MOGAT2: variants seen among roughly 807,000 people sequenced by gnomAD.
MOGAT2 encodes monoacylglycerol O-acyltransferase 2.
A neutral mutation model predicts 31.5 loss-of-function variants in MOGAT2; 27 were observed. The ratio of observed to expected loss-of-function variants is 0.86; its 90% confidence interval spans 0.63 to 1.18. MOGAT2 has a LOEUF of 1.18. Among genes scored for constraint, MOGAT2 ranks in the 50% most tolerant of loss-of-function variants. The pLI is 0.00. For missense variants in MOGAT2, 436 were observed against 433.2 expected (o/e 1.01, Z -0.06); for synonymous variants, 163 against 170.0 (o/e 0.96, Z 0.32).
At chr11:75,728,751 G>T in intron 4 of MOGAT2, 39 bp from the exon 5 acceptor site, 1 of 1,578,460 alleles carries the variant, frequency 6.3e-7, no homozygotes, top group African/African-American at 1.3e-5. Flanking sequence ...GCCTTCTCTG[G>T]GGCCTCCCAC....
At position 75,728,000 on chromosome 11, in the gene MOGAT2, C is replaced by G. The variant is rs1944437792; in HGVS notation, c.506C>G (p.Ala169Gly). The G allele has an allele frequency of 6.2e-7, 1 of 1,613,402 alleles. No homozygotes were observed. The highest frequency in any genetic ancestry group is 1.3e-5 in the African/African-American group (1 of 74,918). ...GLVTSEKESA[A>G]HILNRKGGGN... ...GTCACATCAGAAAAGGAGAGTGCTG[C>G]TCACATTCTGAACAGGAAGGGTGGC... The change falls in exon 4 of 6, where the codon GCT becomes GGT. Residue 169 changes from alanine to glycine, a missense_variant. Coordinates refer to ENST00000198801, the MANE Select transcript of MOGAT2 (RefSeq NM_025098.4).
chr11:75,731,415 C>T lies in MOGAT2; in HGVS notation c.*129C>T. 1 of 1,093,562 alleles carries T rather than the reference C, an allele frequency of 9.1e-7. No individual in the cohort carries two copies. Among genetic ancestry groups the T allele is most frequent in the Non-Finnish European group, 1.2e-6 (1 of 802,794 alleles). 67.7% of individuals were successfully genotyped at this position (1,093,562 alleles called of 1,614,324 possible). On this transcript the variant is annotated 3_prime_UTR_variant, in exon 6 of 6. Coordinates refer to ENST00000198801, the MANE Select transcript of MOGAT2 (RefSeq NM_025098.4). ...TCCTGCAAATCCAACCCATATCAGG[C>T]TGTAAGTCAGAGCAGGCAATGCAGA...
intron 5 of MOGAT2, 37 bp from the exon 6 acceptor site, chr11:75,731,095 C>A: frequency 2.5e-6 from 4 of 1,591,688 alleles, no homozygotes; most frequent in Admixed American, 1.7e-5. Context: ...GGGTCCCTTG[C>A]CTACCCTAGG....
chr11:75,728,495 A>G, intron 4 of MOGAT2: 1 of 550,746 alleles, frequency 1.8e-6, no homozygotes, highest in South Asian at 2.1e-5. Flanking sequence ...GAGGTGGGAG[A>G]TATTTTTCTA....
At position 75,731,089 on chromosome 11, in the gene MOGAT2, C is replaced by A. The variant is rs773523975; in HGVS notation, c.851-43C>A. On this transcript the variant is annotated intron_variant, in intron 5 of 5. Coordinates refer to ENST00000198801, the MANE Select transcript of MOGAT2 (RefSeq NM_025098.4). ...GGGGGTGGGCACCTGCACCGAGGGT[C>A]CCTTGCCTACCCTAGGCCACTGCAC... 4 of 1,585,234 alleles carry A rather than the reference C, an allele frequency of 2.5e-6. No individual in the cohort carries two copies. The East Asian group carries it at 9.0e-5, about 36-fold the overall frequency.
rs1192848212 is a variant in MOGAT2, at chr11:75,732,109, G to T, written c.*823G>T. ...GATCAGGATCCAGCAGGAACCAGAG[G>T]ATAATTTGAGGAGGGTTTAAAAAGG... On this transcript the variant is annotated 3_prime_UTR_variant, in exon 6 of 6. Coordinates refer to ENST00000198801, the MANE Select transcript of MOGAT2 (RefSeq NM_025098.4). 6.6e-6 allele frequency: 1 copy of T among 152,306 alleles called. No individual in the cohort carries two copies. The highest frequency in any genetic ancestry group is 1.5e-5 in the Non-Finnish European group (1 of 68,128). The allele number at this position is 152,306 out of a possible 1,614,324, so 9.4% of individuals were successfully genotyped here.
intron 2 of MOGAT2, among the ~76,000 whole-genome samples, chr11:75,726,241 C>T (rs1944420327): frequency 6.6e-6 from 1 of 152,176 alleles, no homozygotes; most frequent in Non-Finnish European, 1.5e-5. Context: ...CAATGAAGGC[C>T]TGGCGAGGGG....
At position 75,727,498 on chromosome 11, in the gene MOGAT2, G is replaced by A. The variant is rs1247621999; in HGVS notation, c.334G>A (p.Val112Ile). Reference sequence around the variant, plus strand: ...CATTGCGGGCTTCCACCCCCATGGAGTCCTGGCAGTCGGAGCCTTTGCCAA... The same window carrying A: ...CATTGCGGGCTTCCACCCCCATGGAATCCTGGCAGTCGGAGCCTTTGCCAA... ...NYIAGFHPHG[V>I]LAVGAFANLC... Residue 112 changes from valine to isoleucine, a missense_variant, in exon 3 of 6, where the codon GTC becomes ATC. Transcript: ENST00000198801. 1 of 1,614,196 alleles carries A rather than the reference G, an allele frequency of 6.2e-7. No individual in the cohort carries two copies.
intron 4 of MOGAT2, 155 bp from the exon 5 acceptor site, chr11:75,728,635 G>A (rs1482045694): frequency 1.5e-6 from 1 of 655,196 alleles, no homozygotes; most frequent in Non-Finnish European, 2.7e-6. Flanking sequence ...GGCTGTGAAG[G>A]TCTGGGAGAT....
chr11:75,729,104 CT>C (rs1661825945), intron 5 of MOGAT2, 115 bp downstream of exon 5: 1 of 951,514 alleles, frequency 1.1e-6, no homozygotes, highest in Non-Finnish European at 1.6e-6. Flanking sequence ...GGCTCACATT[CT>C]AGACTGGGAA....
In MOGAT2 at chr11:75,719,940, C is replaced by G. The variant is rs1308510474; in HGVS notation, c.92-52C>G. On this transcript the variant is annotated intron_variant, in intron 1 of 5. Transcript: ENST00000198801. Reference sequence around the variant, plus strand: ...GCAGAGTTCAGTCTGAGCAATCTCACCTGCCTTCCTCTCAGACCCCTGTCC... The same window carrying G: ...GCAGAGTTCAGTCTGAGCAATCTCAGCTGCCTTCCTCTCAGACCCCTGTCC... 6 of 1,576,792 alleles carry G rather than the reference C, an allele frequency of 3.8e-6. No homozygotes were observed. The African/African-American group carries it at 8.1e-5, about 21-fold the overall frequency.
intron 5 of MOGAT2, among the ~76,000 whole-genome samples, chr11:75,730,844 G>A (rs1382823366): frequency 6.6e-6 from 1 of 150,738 alleles, no homozygotes; most frequent in Non-Finnish European, 1.5e-5. Flanking sequence ...GGACGCAGGA[G>A]GCAGAGGTTG....
intron 5 of MOGAT2, 120 bp from the exon 6 acceptor site, chr11:75,731,012 A>G (rs890295435): frequency 3.3e-5 from 23 of 706,750 alleles, no homozygotes; most frequent in Non-Finnish European, 4.6e-5. Flanking sequence ...CTTAAAATTC[A>G]TTAGGGTTGG....
chr11:75,731,145 C>T lies in MOGAT2; in HGVS notation c.864C>T (p.Ile288=), dbSNP rs149647566. 1,011 of 1,613,808 alleles carry T rather than the reference C, an allele frequency of 6.3e-4. 5 individuals are homozygous for T. The African/African-American group carries it at 0.011, about 18-fold the overall frequency. Residue 288 remains isoleucine, a synonymous_variant, in exon 6 of 6, where the codon ATC becomes ATT. Transcript: ENST00000198801. Reference sequence around the variant, plus strand: ...TATGCCTTGCAGTGGGGAAGCCCATCGAGGTACAGAAGACGCTGCATCCCT... The same window carrying T: ...TATGCCTTGCAGTGGGGAAGCCCATTGAGGTACAGAAGACGCTGCATCCCT... The part of the protein sequence containing the change: ...RPITTVVGKP[I]EVQKTLHPSE...
chr11:75,719,155 C>T (rs535087469), intron 1 of MOGAT2, among the ~76,000 whole-genome samples: 7 of 152,280 alleles, frequency 4.6e-5, no homozygotes, highest in African/African-American at 1.4e-4. Flanking sequence ...CTGTATACCC[C>T]CTTTGCACAG....
At chr11:75,725,547 C>CATAAATAAATAA (rs56400236) in intron 2 of MOGAT2, among the ~76,000 whole-genome samples, 3,249 of 146,558 alleles carry the variant, frequency 0.022, 78 homozygotes, top group African/African-American at 0.051. Flanking sequence ...GACTCTGTCT[C>CATAAATAAATAA]ATAAATAAAT....
Position 75,731,542 on chromosome 11 carries a change from T to C in MOGAT2, c.*256T>C, listed in dbSNP as rs539153625. 88 of 394,000 alleles carry C rather than the reference T, an allele frequency of 2.2e-4. 1 individual carries two copies. The East Asian group carries it at 2.4e-3, about 11-fold the overall frequency. The allele number at this position is 394,000 out of a possible 1,614,324, so 24.4% of individuals were successfully genotyped here. ...ATGGACACTGGGCCCCTCTCTATATTGAGTGGTCTGTTAACATTCATTGGT... is the reference window on the plus strand; with the variant it reads ...ATGGACACTGGGCCCCTCTCTATATCGAGTGGTCTGTTAACATTCATTGGT... On this transcript the variant is annotated 3_prime_UTR_variant, in exon 6 of 6. Coordinates refer to ENST00000198801, the MANE Select transcript of MOGAT2 (RefSeq NM_025098.4).
rs535222722 is a variant in MOGAT2 at position 75,724,496 on chromosome 11, G to A, written c.271-2939G>A. Reference sequence around the variant, plus strand: ...GGTCACTGAGCCAGTATTAGCACATGCATTTATGTGCACGTATCCAAGTTC... The same window carrying A: ...GGTCACTGAGCCAGTATTAGCACATACATTTATGTGCACGTATCCAAGTTC... On this transcript the variant is annotated intron_variant, in intron 2 of 5. Transcript: ENST00000198801. Among the ~76,000 whole-genome samples the A allele has an allele frequency of 7.2e-5, 11 of 152,194 alleles. No homozygotes were observed. The East Asian group carries it at 1.7e-3, about 24-fold the overall frequency.
At chr11:75,722,687 C>T (rs1944386093) in intron 2 of MOGAT2, among the ~76,000 whole-genome samples, 1 of 152,212 alleles carries the variant, frequency 6.6e-6, no homozygotes, top group South Asian at 2.1e-4. Flanking sequence ...GGACTGCTCA[C>T]CTGAAAGTTC....
Sources: gnomAD v4.1 joint callset for allele counts (sites outside exome capture counted in the v4.1 genomes callset) on GRCh38, gnomAD v4.1.1 for gene constraint, MANE v1.5 for transcripts, NCBI Gene and HGNC (gene_info 2026-07-23, HGNC 2026-07-21) for gene names.